The following SLC39A14 variants were observed in gnomAD, a reference collection of about 807,000 sequenced individuals.
SLC39A14 encodes solute carrier family 39 member 14.
SLC39A14 carries 19 observed loss-of-function variants against 45.5 expected under a neutral mutation model. The observed-to-expected ratio is 0.42, with a 90% CI of 0.29 to 0.61. The LOEUF is 0.61. Ranked by LOEUF, SLC39A14 falls within the 20% of genes least tolerant of loss-of-function variation. The probability of loss-of-function intolerance (pLI) is 0.22; values close to 1 mark genes in which losing one functional copy is unlikely to be tolerated. For synonymous variants in SLC39A14, 264 were observed against 251.3 expected (o/e 1.05, Z -0.48); for missense variants, 447 against 616.5 (o/e 0.73, Z 2.91).
rs565170194 is a variant in SLC39A14 at position 22,401,109 on chromosome 8, G to T, written c.-15-3587G>T. ...ACAAGCAGCTGTGCAGAAATTCAAG[G>T]TAGGTTTGTCTGACACTGAAGGCCA... On this transcript the variant is annotated intron_variant, in intron 1 of 8. Coordinates refer to ENST00000381237, the MANE Select transcript of SLC39A14 (RefSeq NM_001128431.4). Among the ~76,000 whole-genome samples the T allele has an allele frequency of 4.6e-5, 7 of 152,308 alleles. No homozygotes were observed. In the South Asian group the frequency reaches 1.2e-3, roughly 27 times the overall value.
At chr8:22,410,714 T>C (rs2132336735) in intron 3 of SLC39A14, among the ~76,000 whole-genome samples, 1 of 152,320 alleles carries the variant, frequency 6.6e-6, no homozygotes, top group Non-Finnish European at 1.5e-5. Flanking sequence ...CATCTTGACT[T>C]TTTTCTGATA....
chr8:22,406,657 A>G (rs1304552459), intron 2 of SLC39A14, among the ~76,000 whole-genome samples: 1 of 152,204 alleles, frequency 6.6e-6, no homozygotes, highest in East Asian at 1.9e-4. Flanking sequence ...ATGCCACTGC[A>G]TTCCAGCCTG....
chr8:22,414,790 T>C lies in SLC39A14; in HGVS notation c.638T>C (p.Phe213Ser). The C allele has an allele frequency of 6.2e-7, 1 of 1,607,246 alleles. No homozygotes were observed. ...TTCCTGGGTCCACAGGCATTTGGTTTCAACCCTCTGGAAGATTATTATGTC... is the reference window on the plus strand; with the variant it reads ...TTCCTGGGTCCACAGGCATTTGGTTCCAACCCTCTGGAAGATTATTATGTC... Reference protein sequence around the residue: ...LFQLIPEAFGFNPLEDYYVSK... With the variant: ...LFQLIPEAFGSNPLEDYYVSK... The change falls in exon 5 of 9, where the codon TTC (phenylalanine) becomes TCC (serine). Residue 213 changes from phenylalanine (F) to serine (S), a missense_variant. Phe to Ser is a radical substitution (Grantham distance 155, BLOSUM62 -2). Coordinates refer to ENST00000381237, the MANE Select transcript of SLC39A14 (RefSeq NM_001128431.4).
At chr8:22,391,866 C>T (rs1342773670) in intron 1 of SLC39A14, among the ~76,000 whole-genome samples, 1 of 152,092 alleles carries the variant, frequency 6.6e-6, no homozygotes, top group African/African-American at 2.4e-5. Flanking sequence ...CCGCTCCCGG[C>T]CAGGGCTCCC....
intron 1 of SLC39A14, among the ~76,000 whole-genome samples, chr8:22,400,924 A>T (rs1221631926): frequency 2.0e-5 from 3 of 152,214 alleles, no homozygotes; most frequent in Non-Finnish European, 2.9e-5. Flanking sequence ...TTATAGCTAA[A>T]TTTTATTGAG....
intron 8 of SLC39A14, among the ~76,000 whole-genome samples, chr8:22,430,471 G>A (rs1836449880): frequency 6.6e-6 from 1 of 152,168 alleles, no homozygotes; most frequent in African/African-American, 2.4e-5. Flanking sequence ...GAAGTTGACA[G>A]GATACAGTGT....
intron 4 of SLC39A14, among the ~76,000 whole-genome samples, chr8:22,413,284 C>T (rs11990553): frequency 0.083 from 12,598 of 152,110 alleles, 645 homozygotes; most frequent in African/African-American, 0.15. Flanking sequence ...TCAGTTGGCT[C>T]CCTCCTAGTG....
Position 22,421,547 on chromosome 8 carries a change from C to CG in SLC39A14, c.*1849_*1850insG, listed in dbSNP as rs1380207288. On this transcript the variant is annotated 3_prime_UTR_variant, in exon 9 of 9. Coordinates refer to ENST00000381237, the MANE Select transcript of SLC39A14 (RefSeq NM_001128431.4). The stretch of plus-strand genomic sequence containing the variant: ...GAACCAATTCCTTGAATGTTGGAAT[C>CG]TAACTTTTTATATTGTCATTATTAT... 1.0e-6 allele frequency: 1 copy of CG among 985,372 alleles called. No homozygotes were observed. Among genetic ancestry groups the CG allele is most frequent in the Non-Finnish European group, 1.2e-6 (1 of 829,606 alleles). 61.0% of individuals were successfully genotyped at this position (985,372 alleles called of 1,614,324 possible). A position where few individuals can be genotyped will look rare whatever the true frequency, so the allele number is the denominator to read the frequency against.
intron 3 of SLC39A14, among the ~76,000 whole-genome samples, chr8:22,411,288 C>T (rs1218813004): frequency 1.3e-5 from 2 of 152,096 alleles, no homozygotes; most frequent in African/African-American, 4.8e-5. Flanking sequence ...GACAGAGTGT[C>T]ACAACTGGGA....
intron 8 of SLC39A14, among the ~76,000 whole-genome samples, chr8:22,418,512 T>C (rs1586750855): frequency 6.6e-6 from 1 of 152,020 alleles, no homozygotes; most frequent in East Asian, 1.9e-4. Context: ...TCTTTTTTTA[T>C]CTCAATGCAT....
intron 1 of SLC39A14, among the ~76,000 whole-genome samples, chr8:22,369,255 C>G (rs1222116410): frequency 6.6e-6 from 1 of 152,198 alleles, no homozygotes; most frequent in East Asian, 1.9e-4. Flanking sequence ...TTTTACTCAT[C>G]TGGCCTCTGG....
intron 1 of SLC39A14, among the ~76,000 whole-genome samples, chr8:22,403,896 A>G (rs1334513284): frequency 6.8e-6 from 1 of 146,336 alleles, no homozygotes; most frequent in Non-Finnish European, 1.5e-5. Flanking sequence ...TTAGCCTGGG[A>G]GACAGAAAGA....
intron 1 of SLC39A14, among the ~76,000 whole-genome samples, chr8:22,374,316 A>C (rs1176413668): frequency 6.6e-6 from 1 of 152,090 alleles, no homozygotes; most frequent in Non-Finnish European, 1.5e-5. Context: ...TCCATTCCCG[A>C]GATGCTTGTG....
intron 8 of SLC39A14, among the ~76,000 whole-genome samples, chr8:22,418,774 C>T (rs1009736321): frequency 5.9e-5 from 9 of 152,272 alleles, no homozygotes; most frequent in African/African-American, 2.2e-4. Flanking sequence ...AGGGATCCTC[C>T]CATCTCAGCC....
intron 8 of SLC39A14, among the ~76,000 whole-genome samples, chr8:22,433,001 A>G (rs980187453): frequency 5.9e-5 from 9 of 151,698 alleles, no homozygotes; most frequent in African/African-American, 2.2e-4. Context: ...GGGTCTCCCT[A>G]TGTCATTGCC....
intron 1 of SLC39A14, among the ~76,000 whole-genome samples, chr8:22,374,444 G>C (rs1833098341): frequency 6.6e-6 from 1 of 152,160 alleles, no homozygotes; most frequent in Non-Finnish European, 1.5e-5. Context: ...AGTGGCAGGA[G>C]GTGACAGAGA....
chr8:22,421,869 T>G lies in SLC39A14; in HGVS notation c.*2171T>G. ...GAAAAATGAAATAGGGTGTTTTCCCTTTTTGTGCACACCTATATTACCTTA... is the reference window on the plus strand; with the variant it reads ...GAAAAATGAAATAGGGTGTTTTCCCGTTTTGTGCACACCTATATTACCTTA... On this transcript the variant is annotated 3_prime_UTR_variant, in exon 9 of 9. Coordinates refer to ENST00000381237, the MANE Select transcript of SLC39A14 (RefSeq NM_001128431.4). 2 of 985,400 alleles carry G rather than the reference T, an allele frequency of 2.0e-6. No homozygotes were observed. The highest frequency in any genetic ancestry group is 2.4e-6 in the Non-Finnish European group (2 of 829,892). The allele number at this position is 985,400 out of a possible 1,614,324, so 61.0% of individuals were successfully genotyped here.
Position 22,412,246 on chromosome 8 carries a change from G to A in SLC39A14, c.627+40G>A, listed in dbSNP as rs1835616098. On this transcript the variant is annotated intron_variant, in intron 4 of 8. Coordinates refer to ENST00000381237, the MANE Select transcript of SLC39A14 (RefSeq NM_001128431.4). ...GGCCTTCACCCCGGAGCATGCCGGCGGGCACAGTGGGAGGACCTCCGTTTG... is the reference window on the plus strand; with the variant it reads ...GGCCTTCACCCCGGAGCATGCCGGCAGGCACAGTGGGAGGACCTCCGTTTG... 9.1e-6 allele frequency: 14 copies of A among 1,543,680 alleles called. No individual in the cohort carries two copies. The East Asian group carries it at 1.2e-4, about 13-fold the overall frequency.
rs1343483890 is a variant in SLC39A14, at chr8:22,421,691, G to T, written c.*1993G>T. On this transcript the variant is annotated 3_prime_UTR_variant, in exon 9 of 9. Transcript: ENST00000381237. ...GGAAGATTTTGCTTTAACCTAACTC[G>T]CATTGATGTATTAAATTTATAATTT... is the stretch of plus-strand genomic sequence containing the variant. 1.0e-6 allele frequency: 1 copy of T among 984,428 alleles called. No homozygotes were observed. Among genetic ancestry groups the T allele is most frequent in the Non-Finnish European group, 1.2e-6 (1 of 828,682 alleles). The allele number at this position is 984,428 out of a possible 1,614,324, so 61.0% of individuals were successfully genotyped here. A position where few individuals can be genotyped will look rare whatever the true frequency, so the allele number is the denominator to read the frequency against.
Sources: gnomAD v4.1 joint callset for allele counts (sites outside exome capture counted in the v4.1 genomes callset) on GRCh38, gnomAD v4.1.1 for gene constraint, MANE v1.5 for transcripts, NCBI Gene and HGNC (gene_info 2026-07-23, HGNC 2026-07-21) for gene names.